The following TRPV3 variants were observed in gnomAD, a reference collection of about 807,000 sequenced individuals.
The protein encoded by TRPV3 is VRL-3.
TRPV3 carries 88 observed loss-of-function variants against 87.1 expected under a neutral mutation model. That is an observed-to-expected ratio of 1.01 (90% CI 0.85 to 1.21). The LOEUF (loss-of-function observed/expected upper bound fraction) is 1.21, where lower values mean the gene tolerates loss of function less well. Ranked by LOEUF, TRPV3 falls within the 50% of genes most tolerant of loss-of-function variation. TRPV3 has a pLI of 0.00. For missense variants in TRPV3, 1,054 were observed against 1,030.1 expected (o/e 1.02, Z -0.32); for synonymous variants, 438 against 423.3 (o/e 1.03, Z -0.43).
intron 12 of TRPV3, among the ~76,000 whole-genome samples, chr17:3,525,551 G>C (rs960537657): frequency 6.6e-6 from 1 of 151,982 alleles, no homozygotes; most frequent in Non-Finnish European, 1.5e-5. Context: ...GTACTTCACA[G>C]TATTGATTTC....
chr17:3,521,241 G>C (rs894878976), intron 13 of TRPV3, among the ~76,000 whole-genome samples: 2 of 151,330 alleles, frequency 1.3e-5, no homozygotes, highest in Non-Finnish European at 1.5e-5. Flanking sequence ...TTCTGTTTCT[G>C]CTCCAGCCCC....
chr17:3,513,781 T>C lies in TRPV3; in HGVS notation c.*136A>G, dbSNP rs1030933959. 2.9e-6 allele frequency: 2 copies of C among 687,280 alleles called. No homozygotes were observed. Among genetic ancestry groups the C allele is most frequent in the African/African-American group, 1.8e-5 (1 of 55,792 alleles). 42.6% of individuals were successfully genotyped at this position (687,280 alleles called of 1,614,324 possible). A position where few individuals can be genotyped will look rare whatever the true frequency, so the allele number is the denominator to read the frequency against. ...CTCAGTTCAGACACCCACTGAGCAC[T>C]GAGCACGAGGGTGCACTCTGCTTCT... On this transcript the variant is annotated 3_prime_UTR_variant, in exon 18 of 18. Coordinates refer to ENST00000576742, the MANE Select transcript of TRPV3 (RefSeq NM_145068.4).
rs16953107 is a variant in TRPV3, at chr17:3,514,910, A to G, written c.2199-238T>C. On this transcript the variant is annotated intron_variant, in intron 16 of 17. Coordinates refer to ENST00000576742, the MANE Select transcript of TRPV3 (RefSeq NM_145068.4). ...CTCCTTCCATTGTAGGGAACTCGGA[A>G]ATCCTGCAAGTTGCCCAGACAGGTG... 0.055 allele frequency among the ~76,000 whole-genome samples: 8,367 copies of G among 152,160 alleles called. 243 individuals are homozygous for G. The highest frequency in any genetic ancestry group is 0.075 in the South Asian group (359 of 4,818).
At position 3,510,703 on chromosome 17, in the gene TRPV3, C is replaced by T. The variant is rs1003709359; in HGVS notation, c.*3214G>A. The T allele has an allele frequency of 2.0e-5, 3 of 152,206 alleles. No individual in the cohort carries two copies. The highest frequency in any genetic ancestry group is 7.2e-5 in the African/African-American group (3 of 41,452). 9.4% of individuals were successfully genotyped at this position (152,206 alleles called of 1,614,324 possible). ...TGGGGTGACGATTCTGTGTTTGGAACCAAGATCACAGTAAAAAATATGTAA... is the reference window on the plus strand; with the variant it reads ...TGGGGTGACGATTCTGTGTTTGGAATCAAGATCACAGTAAAAAATATGTAA... On this transcript the variant is annotated 3_prime_UTR_variant, in exon 18 of 18. Coordinates refer to ENST00000576742, the MANE Select transcript of TRPV3 (RefSeq NM_145068.4).
At chr17:3,522,680 C>T (rs1375800557) in intron 13 of TRPV3, among the ~76,000 whole-genome samples, 3 of 151,264 alleles carry the variant, frequency 2.0e-5, no homozygotes, top group African/African-American at 7.3e-5. Flanking sequence ...ATTAGCTGGG[C>T]ATGGTGCATG....
At chr17:3,546,437 A>G (rs1292626494) in intron 2 of TRPV3, among the ~76,000 whole-genome samples, 4 of 149,932 alleles carry the variant, frequency 2.7e-5, no homozygotes, top group Non-Finnish European at 6.0e-5. Context: ...GCGAGACTCT[A>G]TCTCAAAAAA....
chr17:3,545,118 G>A (rs1597488882), intron 3 of TRPV3, 49 bp downstream of exon 3: 2 of 1,403,298 alleles, frequency 1.4e-6, no homozygotes, highest in East Asian at 2.3e-5. Flanking sequence ...ACATGCTGGA[G>A]CTGAGGGCTG....
chr17:3,532,056 T>C (rs1319062921), intron 8 of TRPV3, among the ~76,000 whole-genome samples: 2 of 152,026 alleles, frequency 1.3e-5, no homozygotes, highest in Non-Finnish European at 2.9e-5. Context: ...GAGAAGAACA[T>C]CTCAGACCAA....
At chr17:3,544,891 G>A (rs1188433118) in intron 3 of TRPV3, among the ~76,000 whole-genome samples, 4 of 152,168 alleles carry the variant, frequency 2.6e-5, no homozygotes, top group Non-Finnish European at 5.9e-5. Context: ...GCATGTGCCT[G>A]TAATCCCAGC....
rs1290788949 is a variant in TRPV3, at chr17:3,519,538, A to G, written c.1811-688T>C. 8.5e-5 allele frequency among the ~76,000 whole-genome samples: 12 copies of G among 140,588 alleles called. 1 individual carries two copies. The highest frequency in any genetic ancestry group is 3.3e-4 in the African/African-American group (12 of 35,922). The allele number at this position is 140,588 out of a possible 152,430, so 92.2% of individuals were successfully genotyped here. On this transcript the variant is annotated intron_variant, in intron 14 of 17. Transcript: ENST00000576742. Reference sequence around the variant, plus strand: ...GATGGATGGATGGATGGATGGATAGATGGATGGATGGACCAATTGATCGAT... The same window carrying G: ...GATGGATGGATGGATGGATGGATAGGTGGATGGATGGACCAATTGATCGAT...
At chr17:3,541,469 C>T (rs1422420391) in intron 6 of TRPV3, among the ~76,000 whole-genome samples, 1 of 152,174 alleles carries the variant, frequency 6.6e-6, no homozygotes, top group Non-Finnish European at 1.5e-5. Flanking sequence ...ACGAGCACCT[C>T]ATAAGACCGT....
chr17:3,547,494 A>ACC (rs1186671860), intron 2 of TRPV3, among the ~76,000 whole-genome samples: 1 of 152,088 alleles, frequency 6.6e-6, no homozygotes, highest in African/African-American at 2.4e-5. Context: ...GGTGGCACGC[A>ACC]CCTGTAATCC....
intron 13 of TRPV3, among the ~76,000 whole-genome samples, chr17:3,522,547 G>A (rs893866763): frequency 6.6e-6 from 1 of 151,856 alleles, no homozygotes. Context: ...AGAATAATTT[G>A]TTGATTCCCC....
intron 3 of TRPV3, 84 bp downstream of exon 3, chr17:3,545,083 C>T (rs887859924): frequency 2.3e-5 from 20 of 887,248 alleles, no homozygotes; most frequent in Non-Finnish European, 3.4e-5. Context: ...GGCCTGGCCC[C>T]GTGACCCAGG....
intron 4 of TRPV3, 21 bp downstream of exon 4, chr17:3,544,558 G>A (rs1282440981): frequency 6.6e-7 from 1 of 1,523,638 alleles, no homozygotes; most frequent in African/African-American, 1.4e-5. Context: ...ACAGTGGGTG[G>A]AGGGGGAGGG....
intron 2 of TRPV3, among the ~76,000 whole-genome samples, chr17:3,545,739 G>A (rs2074517660): frequency 6.6e-6 from 1 of 151,474 alleles, no homozygotes; most frequent in South Asian, 2.1e-4. Context: ...AGCACCCTGG[G>A]AGGCTGAGGC....
In TRPV3 at chr17:3,511,480, T is replaced by C. The variant is rs4790502; in HGVS notation, c.*2437A>G. On this transcript the variant is annotated 3_prime_UTR_variant, in exon 18 of 18. Transcript: ENST00000576742. ...ACATTCCTCTCGGAGCATTAGCCTC[T>C]GGGCGTAAAATGAAGGAAGTGCTCC... is the stretch of plus-strand genomic sequence containing the variant. 144,173 of 152,252 alleles carry C rather than the reference T, an allele frequency of 0.95. 68,746 individuals carry two copies. Among genetic ancestry groups the C allele is most frequent in the East Asian group, 1 (5,181 of 5,182 alleles). The allele number at this position is 152,252 out of a possible 1,614,324, so 9.4% of individuals were successfully genotyped here. A position where few individuals can be genotyped will look rare whatever the true frequency, so the allele number is the denominator to read the frequency against.
intron 2 of TRPV3, 30 bp downstream of exon 2, chr17:3,554,702 C>A: frequency 6.6e-7 from 1 of 1,504,298 alleles, no homozygotes; most frequent in Non-Finnish European, 9.2e-7. Context: ...CACAGTGCCG[C>A]AGTCCGTGTC....
Position 3,532,355 on chromosome 17 carries a change from C to T in TRPV3, c.1065+302G>A, listed in dbSNP as rs914355862. ...CCCCAAGGGCCACCCACTGCTGGGG[C>T]TATTGTGTCACCTCAGCCTCAGGCT... is the stretch of plus-strand genomic sequence containing the variant. On this transcript the variant is annotated intron_variant, in intron 8 of 17. Transcript: ENST00000576742. Among the ~76,000 whole-genome samples the T allele has an allele frequency of 1.7e-4, 26 of 152,260 alleles. 1 individual carries two copies. The highest frequency in any genetic ancestry group is 3.3e-4 in the Admixed American group (5 of 15,286).
Sources: allele counts gnomAD v4.1 joint callset (sites outside exome capture counted in the v4.1 genomes callset), GRCh38; gene constraint gnomAD v4.1.1; transcripts MANE v1.5; gene names NCBI Gene and HGNC (gene_info 2026-07-23, HGNC 2026-07-21).